Variants in NAALADL2 observed in about 807,000 individuals in gnomAD.
The protein encoded by NAALADL2 is N-acetylated alpha-linked acidic dipeptidase like 2, also known as inactive N-acetylated-alpha-linked acidic dipeptidase-like protein 2.
A neutral mutation model predicts 87.2 loss-of-function variants in NAALADL2; 76 were observed. The ratio of observed to expected loss-of-function variants is 0.87; its 90% CI spans 0.72 to 1.05. The LOEUF (loss-of-function observed/expected upper bound fraction) is 1.05, where lower values mean the gene tolerates loss of function less well. NAALADL2 is among the 50% of genes least tolerant of loss of function. The pLI is 0.00. For synonymous variants in NAALADL2, 354 were observed against 331.0 expected (o/e 1.07, Z -0.75); for missense variants, 1,089 against 945.8 (o/e 1.15, Z -1.99).
chr3:174,903,318 T>A (rs1203323459), intron 1 of NAALADL2, among the ~76,000 whole-genome samples: 1 of 152,116 alleles, frequency 6.6e-6, no homozygotes, highest in Non-Finnish European at 1.5e-5. Context: ...TAATCTGTAG[T>A]GTTTTAAAGT....
chr3:175,164,730 A>T (rs1733741419), intron 2 of NAALADL2, among the ~76,000 whole-genome samples: 1 of 152,194 alleles, frequency 6.6e-6, no homozygotes, highest in Non-Finnish European at 1.5e-5. Flanking sequence ...AAGCATGTCA[A>T]CCTATTTTCA....
chr3:175,467,336 T>A (rs548161634), intron 8 of NAALADL2, among the ~76,000 whole-genome samples, 152 bp downstream of exon 8: 1 of 152,104 alleles, frequency 6.6e-6, no homozygotes, highest in South Asian at 2.1e-4. Context: ...AATAATAATA[T>A]GGAATTAGAG....
At chr3:175,153,897 G>A (rs575588523) in intron 2 of NAALADL2, among the ~76,000 whole-genome samples, 3 of 152,282 alleles carry the variant, frequency 2.0e-5, no homozygotes, top group South Asian at 2.1e-4. Flanking sequence ...TTCAGAGGTC[G>A]TTCACTGAAG....
chr3:175,300,313 T>C (rs1756894040), intron 4 of NAALADL2, among the ~76,000 whole-genome samples: 1 of 152,206 alleles, frequency 6.6e-6, no homozygotes, highest in African/African-American at 2.4e-5. Context: ...TAAAACGAGT[T>C]AGGGAGGATT....
chr3:175,799,653 A>G (rs949980860), intron 13 of NAALADL2, among the ~76,000 whole-genome samples: 5 of 152,278 alleles, frequency 3.3e-5, no homozygotes, highest in Non-Finnish European at 5.9e-5. Context: ...GTTTCTCTAA[A>G]ATTATTTGGT....
intron 5 of NAALADL2, among the ~76,000 whole-genome samples, chr3:175,434,212 C>G (rs1649874385): frequency 6.6e-6 from 1 of 151,956 alleles, no homozygotes; most frequent in South Asian, 2.1e-4. Context: ...CAAAGAGCCT[C>G]TTTCAACATG....
At chr3:175,788,405 A>G (rs1160000207) in intron 13 of NAALADL2, among the ~76,000 whole-genome samples, 1 of 152,062 alleles carries the variant, frequency 6.6e-6, no homozygotes, top group Admixed American at 6.5e-5. Context: ...TTTATCTTTT[A>G]TAGAGTACTT....
At chr3:175,667,167 AAGAAAGAAAGAAAG>A (rs1733140409) in intron 11 of NAALADL2, among the ~76,000 whole-genome samples, 4 of 139,842 alleles carry the variant, frequency 2.9e-5, no homozygotes, top group East Asian at 2.1e-4. Context: ...AAGAAAAAGA[AAGAAAGAAAGAAAG>A]AGAAAGAAAG....
At chr3:174,963,190 AAAC>A (rs1167125279) in intron 1 of NAALADL2, among the ~76,000 whole-genome samples, 1 of 152,168 alleles carries the variant, frequency 6.6e-6, no homozygotes, top group African/African-American at 2.4e-5. Context: ...ATACTGAACA[AAAC>A]AACTGAAGGT....
At chr3:174,526,088 T>A (rs985379560) in intron 1 of NAALADL2, among the ~76,000 whole-genome samples, 3 of 152,160 alleles carry the variant, frequency 2.0e-5, no homozygotes, top group African/African-American at 7.2e-5. Flanking sequence ...CTTACAGCAT[T>A]TGTTGAATAA....
At chr3:175,001,504 C>T (rs373017821) in intron 1 of NAALADL2, among the ~76,000 whole-genome samples, 2 of 152,090 alleles carry the variant, frequency 1.3e-5, no homozygotes, top group Non-Finnish European at 2.9e-5. Context: ...AATAGGCTTT[C>T]CTAATATGAA....
chr3:174,462,214 G>A (rs936883103), intron 1 of NAALADL2, among the ~76,000 whole-genome samples: 1 of 151,462 alleles, frequency 6.6e-6, no homozygotes, highest in Non-Finnish European at 1.5e-5. Context: ...ATGTTATCCC[G>A]TATTTCCACA....
chr3:175,581,087 C>T (rs1290139190), intron 10 of NAALADL2: 1 of 281,632 alleles, frequency 3.6e-6, no homozygotes, highest in Non-Finnish European at 7.2e-6. Flanking sequence ...AAATATTAAC[C>T]AAGACAAAAA....
intron 5 of NAALADL2, among the ~76,000 whole-genome samples, chr3:175,393,182 G>T (rs1581703687): frequency 6.8e-6 from 1 of 147,312 alleles, no homozygotes; most frequent in African/African-American, 2.5e-5. Context: ...GCTGAGGCAG[G>T]AGAATGGCGT....
At chr3:175,050,378 C>T (rs1166133903) in intron 1 of NAALADL2, among the ~76,000 whole-genome samples, 1 of 152,152 alleles carries the variant, frequency 6.6e-6, no homozygotes, top group Non-Finnish European at 1.5e-5. Context: ...TTCTCCTGCT[C>T]AGCCTCCCGA....
intron 13 of NAALADL2, among the ~76,000 whole-genome samples, chr3:175,781,013 A>G (rs570785784): frequency 4.6e-5 from 7 of 152,276 alleles, no homozygotes; most frequent in Middle Eastern, 6.8e-3. Context: ...TTCAGCTTAC[A>G]TTTTTCTGAT....
intron 3 of NAALADL2, among the ~76,000 whole-genome samples, chr3:174,738,931 A>G (rs1299365078): frequency 6.6e-6 from 1 of 152,184 alleles, no homozygotes; most frequent in Non-Finnish European, 1.5e-5. Context: ...TTAAAAAATT[A>G]TTTATCTAGA....
chr3:174,563,712 G>C (rs1175260202), intron 2 of NAALADL2, among the ~76,000 whole-genome samples: 1 of 151,982 alleles, frequency 6.6e-6, no homozygotes, highest in Non-Finnish European at 1.5e-5. Flanking sequence ...TATGTTTGTA[G>C]GTTTGTTTGT....
chr3:174,984,962 C>T (rs1429011377), intron 1 of NAALADL2, among the ~76,000 whole-genome samples: 3 of 152,130 alleles, frequency 2.0e-5, no homozygotes, highest in South Asian at 2.1e-4. Flanking sequence ...TTTAACTTAG[C>T]ATTTTGGTAA....
Sources: allele counts gnomAD v4.1 joint callset (sites outside exome capture counted in the v4.1 genomes callset), GRCh38; gene constraint gnomAD v4.1.1; transcripts MANE v1.5; gene names NCBI Gene and HGNC (gene_info 2026-07-23, HGNC 2026-07-21).